ZNF148: variants seen among roughly 807,000 people sequenced by gnomAD.
The protein encoded by ZNF148 is Beta-Enolase Repressor Factor-1.
Under a neutral mutation model 67.7 loss-of-function variants are expected in ZNF148, and 7 were observed. The ratio of observed to expected loss-of-function variants is 0.10; its 90% CI spans 0.06 to 0.19. The LOEUF is 0.19. ZNF148 is among the 10% of genes least tolerant of loss of function. The probability of loss-of-function intolerance (pLI) is 1.00; values close to 1 mark genes in which losing one functional copy is unlikely to be tolerated. For missense variants in ZNF148, 583 were observed against 947.1 expected (o/e 0.62, Z 5.05); for synonymous variants, 333 against 330.7 (o/e 1.01, Z -0.08).
chr3:125,351,069 T>C (rs1034057003), intron 1 of ZNF148, among the ~76,000 whole-genome samples: 2 of 151,964 alleles, frequency 1.3e-5, no homozygotes, highest in African/African-American at 4.8e-5. Context: ...AGGCTGGGTG[T>C]GGTGGCCCAC....
At chr3:125,355,806 T>C (rs1942321524) in intron 1 of ZNF148, among the ~76,000 whole-genome samples, 1 of 152,038 alleles carries the variant, frequency 6.6e-6, no homozygotes, top group Non-Finnish European at 1.5e-5. Flanking sequence ...ATTAATTAAA[T>C]ATTGTTGTGT....
chr3:125,299,046 AGAG>A (rs1401319031), intron 4 of ZNF148, among the ~76,000 whole-genome samples: 2 of 152,238 alleles, frequency 1.3e-5, no homozygotes, highest in Non-Finnish European at 2.9e-5. Flanking sequence ...CTTTGGAATT[AGAG>A]TAGTAGACAG....
chr3:125,336,677 C>CTTTT (rs71148176), intron 1 of ZNF148, among the ~76,000 whole-genome samples: 2 of 95,334 alleles, frequency 2.1e-5, no homozygotes, highest in East Asian at 2.6e-4. Flanking sequence ...CAGAAATCAC[C>CTTTT]TTTTTTTTTT....
At chr3:125,285,560 A>C (rs930279710) in intron 5 of ZNF148, among the ~76,000 whole-genome samples, 6 of 152,060 alleles carry the variant, frequency 3.9e-5, no homozygotes, top group Non-Finnish European at 8.8e-5. Context: ...TATTTAAAAA[A>C]AAAAAAAAAC....
chr3:125,364,234 A>G (rs572191583), intron 1 of ZNF148, among the ~76,000 whole-genome samples: 1 of 152,296 alleles, frequency 6.6e-6, no homozygotes, highest in South Asian at 2.1e-4. Context: ...CCCTGTCTCT[A>G]CTAAAAATGC....
intron 3 of ZNF148, among the ~76,000 whole-genome samples, chr3:125,321,201 T>G (rs1361049761): frequency 1.3e-5 from 2 of 152,216 alleles, no homozygotes; most frequent in African/African-American, 4.8e-5. Context: ...ATGTTAATTT[T>G]TAAAGTACTA....
intron 1 of ZNF148, among the ~76,000 whole-genome samples, chr3:125,364,589 C>T (rs1942645798): frequency 6.6e-6 from 1 of 152,180 alleles, no homozygotes; most frequent in South Asian, 2.1e-4. Context: ...AAATTGGGTT[C>T]CACTTATACA....
At chr3:125,346,654 C>G (rs1350413654) in intron 1 of ZNF148, among the ~76,000 whole-genome samples, 1 of 152,152 alleles carries the variant, frequency 6.6e-6, no homozygotes, top group East Asian at 1.9e-4. Context: ...GTTTTATAAG[C>G]AACTGGCATT....
chr3:125,304,667 T>C (rs542727349), intron 4 of ZNF148, among the ~76,000 whole-genome samples: 2 of 152,256 alleles, frequency 1.3e-5, no homozygotes, highest in Non-Finnish European at 2.9e-5. Flanking sequence ...TCAATATTGA[T>C]AGATATGGAA....
At chr3:125,254,991 C>A (rs1229327419) in intron 7 of ZNF148, among the ~76,000 whole-genome samples, 1 of 151,574 alleles carries the variant, frequency 6.6e-6, no homozygotes, top group African/African-American at 2.4e-5. Context: ...TTTTATAATC[C>A]TTTTAGTGAT....
chr3:125,374,710 T>G (rs1362082880), intron 1 of ZNF148, among the ~76,000 whole-genome samples: 1 of 152,042 alleles, frequency 6.6e-6, no homozygotes, highest in South Asian at 2.1e-4. Flanking sequence ...CATAAAGCAC[T>G]GCACCAGGCA....
chr3:125,285,755 G>C (rs1938622895), intron 5 of ZNF148, among the ~76,000 whole-genome samples: 1 of 151,922 alleles, frequency 6.6e-6, no homozygotes, highest in Non-Finnish European at 1.5e-5. Context: ...ATCTTCCTAA[G>C]AATTCTCTAA....
At chr3:125,326,742 ATAT>A (rs200886024) in intron 2 of ZNF148, among the ~76,000 whole-genome samples, 6,934 of 147,470 alleles carry the variant, frequency 0.047, 236 homozygotes, top group Non-Finnish European at 0.071. Context: ...ATACATATTT[ATAT>A]GTATATATAC....
At chr3:125,334,894 G>A (rs976970704) in intron 1 of ZNF148, among the ~76,000 whole-genome samples, 24 of 151,928 alleles carry the variant, frequency 1.6e-4, no homozygotes, top group African/African-American at 5.6e-4. Flanking sequence ...CCTTATTGTC[G>A]CAGAATCTCC....
At chr3:125,344,836 T>G in intron 1 of ZNF148, 1 of 321,062 alleles carries the variant, frequency 3.1e-6, no homozygotes, top group South Asian at 3.1e-5. Flanking sequence ...AGGATGCAGG[T>G]GGCAGGCGAT....
intron 5 of ZNF148, among the ~76,000 whole-genome samples, chr3:125,287,564 G>A (rs1282860216): frequency 6.6e-6 from 1 of 152,128 alleles, no homozygotes; most frequent in African/African-American, 2.4e-5. Flanking sequence ...CCTTGAGACT[G>A]GGAGACTGAG....
At chr3:125,370,311 A>C (rs1942837322) in intron 1 of ZNF148, among the ~76,000 whole-genome samples, 1 of 152,162 alleles carries the variant, frequency 6.6e-6, no homozygotes, top group Non-Finnish European at 1.5e-5. Flanking sequence ...TCACGCTGTC[A>C]AACACACACA....
chr3:125,240,862 A>T (rs947512422), intron 7 of ZNF148, among the ~76,000 whole-genome samples: 2 of 152,154 alleles, frequency 1.3e-5, no homozygotes, highest in Non-Finnish European at 1.5e-5. Flanking sequence ...GTTGCTAAAA[A>T]CAATCCTCCT....
intron 1 of ZNF148, among the ~76,000 whole-genome samples, chr3:125,346,567 G>A (rs1941951978): frequency 6.6e-6 from 1 of 152,194 alleles, no homozygotes; most frequent in Non-Finnish European, 1.5e-5. Context: ...TGTCAAGGGA[G>A]GAAGATGATT....
Sources: gnomAD v4.1 joint callset for allele counts (sites outside exome capture counted in the v4.1 genomes callset) on GRCh38, gnomAD v4.1.1 for gene constraint, MANE v1.5 for transcripts, NCBI Gene and HGNC (gene_info 2026-07-23, HGNC 2026-07-21) for gene names.